Variants in NLRP1 observed in about 807,000 individuals in gnomAD.
NLRP1 encodes the protein NACHT, LRR and PYD domains-containing protein 1.
In NLRP1, 94 loss-of-function variants were observed where a neutral mutation model predicts 136.7. The ratio of observed to expected loss-of-function variants is 0.69; its 90% CI spans 0.58 to 0.82. The LOEUF is 0.82. Ranked by LOEUF, NLRP1 falls within the 40% of genes least tolerant of loss-of-function variation. NLRP1 has a pLI of 0.00. For synonymous variants in NLRP1, 690 were observed against 725.1 expected, an observed-to-expected ratio of 0.95 and a Z score of 0.78; for missense variants, 1,575 against 1,802.7, an observed-to-expected ratio of 0.87 and a Z score of 2.29.
chr17:5,539,421 C>A lies in NLRP1; in HGVS notation c.2864G>T (p.Arg955Leu), dbSNP rs147319843. 2 of 1,611,836 alleles carry A rather than the reference C, an allele frequency of 1.2e-6. No individual in the cohort carries two copies. The highest frequency in any genetic ancestry group is 4.5e-5 in the East Asian group (2 of 44,872). ...GLRHPACKLI[R>L]LGLDQTTLSD... ...GGGACCCACAGGGCCTTACCCCAGG[C>A]GTATGAGTTTGCAGGCAGGATGCCT... The change falls in exon 7 of 17, where the codon CGC becomes CTC. Residue 955 changes from arginine to leucine, a missense_variant. Coordinates refer to ENST00000572272, the MANE Select transcript of NLRP1 (RefSeq NM_033004.4).
chr17:5,580,423 G>A (rs2151829165), intron 3 of NLRP1, among the ~76,000 whole-genome samples: 1 of 151,976 alleles, frequency 6.6e-6, no homozygotes, highest in South Asian at 2.1e-4. Context: ...TAAAATAAAA[G>A]TTTGTTGTTG....
chr17:5,570,621 G>T (rs1467660757), intron 3 of NLRP1, among the ~76,000 whole-genome samples: 1 of 151,892 alleles, frequency 6.6e-6, no homozygotes, highest in Non-Finnish European at 1.5e-5. Flanking sequence ...CCAGAAAAAG[G>T]CCAGGACCAG....
At chr17:5,578,832 T>C (rs1177120604) in intron 3 of NLRP1, among the ~76,000 whole-genome samples, 1 of 152,184 alleles carries the variant, frequency 6.6e-6, no homozygotes, top group African/African-American at 2.4e-5. Flanking sequence ...TGTGGCACTA[T>C]TTACAATAGC....
chr17:5,526,614 G>A (rs1351027713), intron 12 of NLRP1, among the ~76,000 whole-genome samples: 1 of 152,166 alleles, frequency 6.6e-6, no homozygotes, highest in Non-Finnish European at 1.5e-5. Context: ...TGAAGGAGAT[G>A]GGTGGGTGGG....
Position 5,553,436 on chromosome 17 carries a change from C to G in NLRP1, c.2478G>C (p.Lys826Asn), listed in dbSNP as rs201210992. 13 of 1,614,068 alleles carry G rather than the reference C, an allele frequency of 8.1e-6. No individual in the cohort carries two copies. Among genetic ancestry groups the G allele is most frequent in the Non-Finnish European group, 1.0e-5 (12 of 1,180,026 alleles). Residue 826 changes from lysine (K) to asparagine (N), a missense_variant, in exon 5 of 17, where the codon AAG (lysine) becomes AAC (asparagine). By Grantham distance (94) the Lys-to-Asn change is moderately conservative. Coordinates refer to ENST00000572272, the MANE Select transcript of NLRP1 (RefSeq NM_033004.4). ...SGNSLSHSAVKSLCKTLRRPR... is the reference protein window; with the variant it reads ...SGNSLSHSAVNSLCKTLRRPR... Reference sequence around the variant, plus strand: ...GGCGTCTCAGGGTCTTACAAAGACTCTTCACTGCAGAGTGGCTCAGCGAGT... The same window carrying G: ...GGCGTCTCAGGGTCTTACAAAGACTGTTCACTGCAGAGTGGCTCAGCGAGT...
intron 3 of NLRP1, among the ~76,000 whole-genome samples, chr17:5,572,339 C>T (rs1004912626): frequency 1.3e-5 from 2 of 152,164 alleles, no homozygotes; most frequent in African/African-American, 4.8e-5. Context: ...AAAATATTTG[C>T]AAACTACCCA....
intron 5 of NLRP1, among the ~76,000 whole-genome samples, chr17:5,550,185 T>TC: frequency 6.6e-6 from 1 of 152,246 alleles, no homozygotes; most frequent in East Asian, 1.9e-4. Context: ...TAGTCTAATT[T>TC]TGGTATCAGG....
chr17:5,554,117 T>C (rs1329338796), intron 4 of NLRP1, among the ~76,000 whole-genome samples: 2 of 152,066 alleles, frequency 1.3e-5, no homozygotes, highest in East Asian at 3.9e-4. Context: ...TGGAAGACTG[T>C]ATATGATCAT....
rs1914531503 is a variant in NLRP1 at position 5,559,883 on chromosome 17, A to AT, written c.812dup (p.Asn271LysfsTer2). On this transcript the variant is annotated frameshift_variant, in exon 4 of 17. Transcript: ENST00000572272. LOFTEE classifies it high-confidence loss of function. ...GTGTGAATTTTTGGTTAAAATCCTCATTTTTCCAGGGCCATGTGGAACAGA... is the reference window on the plus strand; with the variant it reads ...GTGTGAATTTTTGGTTAAAATCCTCATTTTTTCCAGGGCCATGTGGAACAGA... The AT allele has an allele frequency of 6.2e-7, 1 of 1,613,940 alleles. No homozygotes were observed. Among genetic ancestry groups the AT allele is most frequent in the African/African-American group, 1.3e-5 (1 of 74,878 alleles).
At chr17:5,509,126 A>G (rs1239994276), downstream of NLRP1, among the ~76,000 whole-genome samples, 2 of 152,222 alleles carry the variant, frequency 1.3e-5, no homozygotes, top group Non-Finnish European at 2.9e-5. Flanking sequence ...CTCCTGACCA[A>G]TAGCACAGCG....
At chr17:5,543,373 T>G (rs187112353) in intron 5 of NLRP1, among the ~76,000 whole-genome samples, 136 of 152,176 alleles carry the variant, frequency 8.9e-4, no homozygotes, top group Middle Eastern at 3.4e-3. Context: ...AGATGTGAAA[T>G]CACAGCACGC....
intron 3 of NLRP1, among the ~76,000 whole-genome samples, chr17:5,571,814 A>C (rs932307124): frequency 6.6e-6 from 1 of 152,320 alleles, no homozygotes; most frequent in Admixed American, 6.5e-5. Context: ...AAAAATAACA[A>C]ATCTGGAGGC....
chr17:5,509,264 C>T (rs1239402416), downstream of NLRP1, among the ~76,000 whole-genome samples: 5 of 152,200 alleles, frequency 3.3e-5, no homozygotes, highest in African/African-American at 1.2e-4. Flanking sequence ...GTGAGTAGCA[C>T]TCAATGGGGT....
intron 4 of NLRP1, 121 bp from the exon 5 acceptor site, chr17:5,553,677 C>G: frequency 1.2e-6 from 1 of 834,756 alleles, no homozygotes; most frequent in South Asian, 1.7e-5. Flanking sequence ...GCGGGTAGTG[C>G]CATCTCCAGT....
At chr17:5,531,901 T>C (rs8074263) in intron 11 of NLRP1, among the ~76,000 whole-genome samples, 8,643 of 152,100 alleles carry the variant, frequency 0.057, 285 homozygotes, top group Middle Eastern at 0.099. Context: ...ATTTAAGAAA[T>C]ATAACAAAGA....
chr17:5,536,445 CTTTTT>C (rs773821415), intron 8 of NLRP1, among the ~76,000 whole-genome samples: 2 of 77,770 alleles, frequency 2.6e-5, no homozygotes, highest in Non-Finnish European at 4.6e-5. Flanking sequence ...CCATGCCCGG[CTTTTT>C]TTTTTTTTTT....
intron 8 of NLRP1, among the ~76,000 whole-genome samples, chr17:5,535,275 G>A (rs375050251): frequency 2.0e-5 from 3 of 152,042 alleles, no homozygotes; most frequent in Non-Finnish European, 4.4e-5. Context: ...TGATTCAGTG[G>A]GTCTGGAGTG....
Position 5,558,845 on chromosome 17 carries a change from C to T in NLRP1, c.1851G>A (p.Leu617=), listed in dbSNP as rs528368601. The change falls in exon 4 of 17, where the codon CTG becomes CTA. Residue 617 remains leucine (L), a synonymous_variant. Transcript: ENST00000572272. ...MGILQEHPIP[L]SYSFIHLCFQ... is the part of the protein sequence containing the mutation. ...AACAGAGGTGAATGAAGCTGTAGCT[C>T]AGAGGGATGGGGTGCTCTTGAAGAA... The T allele has an allele frequency of 6.2e-7, 1 of 1,614,146 alleles. No homozygotes were observed. Among genetic ancestry groups the T allele is most frequent in the South Asian group, 1.1e-5 (1 of 91,050 alleles).
chr17:5,553,933 A>C (rs1567656295), intron 4 of NLRP1, among the ~76,000 whole-genome samples: 1 of 152,040 alleles, frequency 6.6e-6, no homozygotes, highest in Non-Finnish European at 1.5e-5. Context: ...ATAAGAAAAA[A>C]ATTTTTTAAA....
Sources: allele counts gnomAD v4.1 joint callset (sites outside exome capture counted in the v4.1 genomes callset), GRCh38; gene constraint gnomAD v4.1.1; transcripts MANE v1.5; gene names NCBI Gene and HGNC (gene_info 2026-07-23, HGNC 2026-07-21).